The following SPATA13 variants were observed in gnomAD, a reference collection of about 807,000 sequenced individuals.
The protein encoded by SPATA13 is spermatogenesis associated 13.
SPATA13 carries 50 observed loss-of-function variants against 104.0 expected under a neutral mutation model. The observed-to-expected ratio is 0.48, with a 90% CI of 0.38 to 0.61. SPATA13 has a LOEUF of 0.61. Ranked by LOEUF, SPATA13 falls within the 20% of genes least tolerant of loss-of-function variation. The pLI, the probability that SPATA13 is intolerant of heterozygous loss-of-function variation, is 0.00. For synonymous variants in SPATA13, 606 were observed against 667.5 expected, an observed-to-expected ratio of 0.91 and a Z score of 1.42; for missense variants, 1,524 against 1,690.6, an observed-to-expected ratio of 0.90 and a Z score of 1.73.
intron 3 of SPATA13, among the ~76,000 whole-genome samples, chr13:24,079,341 A>G (rs1450259016): frequency 6.6e-6 from 1 of 152,234 alleles, no homozygotes. Context: ...GAGGTGAAAC[A>G]GAGCTGAGGG....
rs140044143 is a variant in SPATA13, at chr13:24,026,854, C to T, written c.-112+9153C>T. On this transcript the variant is annotated intron_variant, in intron 3 of 14. Coordinates refer to the SPATA13 transcript ENST00000424834. ...ATCCTGACCTTGTGACCTTTGCCTC[C>T]GCCTCCCAAAGTGTTGGGATTACAG... is the stretch of plus-strand genomic sequence containing the variant. Among the ~76,000 whole-genome samples the T allele has an allele frequency of 1.1e-3, 172 of 152,208 alleles. 2 individuals carry two copies. The highest frequency in any genetic ancestry group is 3.5e-3 in the African/African-American group (144 of 41,522).
chr13:24,005,765 C>T (rs1472154218), intron 2 of SPATA13, among the ~76,000 whole-genome samples: 1 of 152,172 alleles, frequency 6.6e-6, no homozygotes, highest in African/African-American at 2.4e-5. Flanking sequence ...TTTGCCACAA[C>T]CCTGAAAGCT....
chr13:24,098,945 A>G (rs1288703241), intron 3 of SPATA13, among the ~76,000 whole-genome samples: 1 of 151,688 alleles, frequency 6.6e-6, no homozygotes, highest in African/African-American at 2.4e-5. Flanking sequence ...AAAAAAAAGA[A>G]AAAAGAATTA....
At chr13:24,086,457 G>A (rs959761743) in intron 3 of SPATA13, among the ~76,000 whole-genome samples, 3 of 152,096 alleles carry the variant, frequency 2.0e-5, no homozygotes, top group African/African-American at 7.2e-5. Context: ...ATAGGGAAAC[G>A]TGGGCAGTCA....
At chr13:24,181,483 C>T (rs191095820) in intron 1 of SPATA13, among the ~76,000 whole-genome samples, 1,881 of 152,086 alleles carry the variant, frequency 0.012, 38 homozygotes, top group African/African-American at 0.043. Flanking sequence ...ATTCCATAAT[C>T]TTTTTTTTAT....
chr13:24,019,456 A>G (rs1227809653), intron 3 of SPATA13, among the ~76,000 whole-genome samples: 1 of 152,244 alleles, frequency 6.6e-6, no homozygotes, highest in African/African-American at 2.4e-5. Flanking sequence ...CAGTGGAGCT[A>G]GTTAAAATTT....
chr13:24,053,868 A>G (rs904284250), intron 3 of SPATA13, among the ~76,000 whole-genome samples: 1 of 152,236 alleles, frequency 6.6e-6, no homozygotes, highest in Non-Finnish European at 1.5e-5. Flanking sequence ...TGTTAATGCC[A>G]TGAAGTAGGA....
At chr13:24,153,478 A>G (rs1445477933) in intron 3 of SPATA13, among the ~76,000 whole-genome samples, 1 of 152,218 alleles carries the variant, frequency 6.6e-6, no homozygotes, top group African/African-American at 2.4e-5. Context: ...AGAGAAGTGA[A>G]GACATTGACA....
chr13:24,234,919 A>C (rs763846367), intron 2 of SPATA13, among the ~76,000 whole-genome samples: 3 of 152,224 alleles, frequency 2.0e-5, no homozygotes, highest in Non-Finnish European at 4.4e-5. Flanking sequence ...GCTAACTAGC[A>C]GTATGTTCTT....
Position 24,223,456 on chromosome 13 carries a change from C to G in SPATA13, c.527C>G (p.Ala176Gly). The G allele has an allele frequency of 6.4e-7, 1 of 1,550,400 alleles. No homozygotes were observed. Among genetic ancestry groups the G allele is most frequent in the South Asian group, 1.2e-5 (1 of 84,064 alleles). ...PGPACGALRP[A>G]EWGTLDGSDL... Reference sequence around the variant, plus strand: ...CCAGCATGTGGTGCCCTCAGGCCAGCAGAGTGGGGCACATTGGATGGCTCC... The same window carrying G: ...CCAGCATGTGGTGCCCTCAGGCCAGGAGAGTGGGGCACATTGGATGGCTCC... Residue 176 changes from alanine to glycine, a missense_variant, in exon 2 of 13, where the codon GCA (alanine) becomes GGA (glycine). By Grantham distance (60) the Ala-to-Gly change is moderately conservative. Transcript: ENST00000382108.
At chr13:24,095,229 T>G (rs1458502087) in intron 3 of SPATA13, among the ~76,000 whole-genome samples, 1 of 152,234 alleles carries the variant, frequency 6.6e-6, no homozygotes, top group Admixed American at 6.5e-5. Flanking sequence ...TATTGCATAA[T>G]TTCACAAAAA....
chr13:24,051,440 C>G lies in SPATA13; in HGVS notation c.-112+33739C>G, dbSNP rs1365241030. On this transcript the variant is annotated intron_variant, in intron 3 of 14. Transcript: ENST00000424834. This position sits in a 1 kb window ranked among gnomAD's most constrained non-coding sequence, Gnocchi z 4.2. Reference sequence around the variant, plus strand: ...CACACCAGGTACAGCCTGCCAGGCTCTCGCCTCCAGTTTCACACATCCTTG... The same window carrying G: ...CACACCAGGTACAGCCTGCCAGGCTGTCGCCTCCAGTTTCACACATCCTTG... Among the ~76,000 whole-genome samples the G allele has an allele frequency of 2.6e-5, 4 of 152,238 alleles. No individual in the cohort carries two copies. Among genetic ancestry groups the G allele is most frequent in the Non-Finnish European group, 1.5e-5 (1 of 68,050 alleles).
At chr13:24,225,140 G>T (rs1871857168) in intron 2 of SPATA13, among the ~76,000 whole-genome samples, 1 of 152,258 alleles carries the variant, frequency 6.6e-6, no homozygotes, top group Non-Finnish European at 1.5e-5. Context: ...ATTCTGCCCA[G>T]CAGGCTGCAT....
intron 2 of SPATA13, among the ~76,000 whole-genome samples, chr13:24,237,562 G>A (rs371088439): frequency 3.3e-5 from 5 of 152,126 alleles, no homozygotes; most frequent in African/African-American, 1.2e-4. Context: ...TATTTAATGG[G>A]TTCAGAGATA....
intron 2 of SPATA13, among the ~76,000 whole-genome samples, chr13:23,991,562 C>T (rs1875419054): frequency 6.6e-6 from 1 of 152,164 alleles, no homozygotes; most frequent in Non-Finnish European, 1.5e-5. Flanking sequence ...CGAGCCCCGG[C>T]CCGCAGTGTC....
intron 9 of SPATA13, among the ~76,000 whole-genome samples, chr13:24,291,663 G>T (rs543152511): frequency 6.6e-6 from 1 of 152,024 alleles, no homozygotes; most frequent in Non-Finnish European, 1.5e-5. Flanking sequence ...AGCTCTTCTT[G>T]TTACTCACAC....
At chr13:24,185,125 T>C (rs1054032004) in intron 1 of SPATA13, among the ~76,000 whole-genome samples, 4 of 152,232 alleles carry the variant, frequency 2.6e-5, no homozygotes, top group Non-Finnish European at 5.9e-5. Flanking sequence ...TGTAGCTCCT[T>C]GTGTGCCACC....
chr13:24,287,567 A>G (rs1208445196), intron 7 of SPATA13, among the ~76,000 whole-genome samples: 1 of 152,214 alleles, frequency 6.6e-6, no homozygotes, highest in Non-Finnish European at 1.5e-5. Context: ...TTGATTTTAC[A>G]AAGAGTCAAA....
intron 3 of SPATA13, among the ~76,000 whole-genome samples, chr13:24,111,417 C>G (rs1489842866): frequency 6.6e-6 from 1 of 151,534 alleles, no homozygotes; most frequent in African/African-American, 2.4e-5. Context: ...CCCCGCCACC[C>G]CCACCCCAGA....
Sources: allele counts gnomAD v4.1 joint callset (sites outside exome capture counted in the v4.1 genomes callset), GRCh38; gene constraint gnomAD v4.1.1; non-coding constraint Gnocchi (gnomAD v3.1); transcripts MANE v1.5; gene names NCBI Gene and HGNC (gene_info 2026-07-23, HGNC 2026-07-21).